Variants in HERC3 observed in about 807,000 individuals in gnomAD.
The protein encoded by HERC3 is HECT and RLD domain containing E3 ubiquitin protein ligase 3, also known as probable E3 ubiquitin-protein ligase HERC3.
HERC3 carries 58 observed loss-of-function variants against 129.9 expected under a neutral mutation model. The ratio of observed to expected loss-of-function variants is 0.45; its 90% CI spans 0.36 to 0.56. The LOEUF (loss-of-function observed/expected upper bound fraction) is 0.56. Ranked by LOEUF, HERC3 falls within the 20% of genes least tolerant of loss-of-function variation. The probability of loss-of-function intolerance (pLI) is 0.00; values close to 1 mark genes in which losing one functional copy is unlikely to be tolerated. For missense variants in HERC3, 835 were observed against 1,244.2 expected (o/e 0.67, Z 4.95); for synonymous variants, 430 against 451.0 (o/e 0.95, Z 0.59).
intron 13 of HERC3, 86 bp from the exon 14 acceptor site, chr4:88,667,806 G>A (rs972320076): frequency 3.8e-5 from 37 of 978,950 alleles, no homozygotes; most frequent in Non-Finnish European, 5.8e-5. Context: ...AGAGTTGAGA[G>A]TCTATCAAAT....
At chr4:88,557,621 T>C in the HERC3 span, among the ~76,000 whole-genome samples, 11 of 152,166 alleles carry the variant, frequency 7.2e-5, no homozygotes, top group Admixed American at 2.6e-4. Flanking sequence ...AGTCTCATTA[T>C]ATAAAGAATA....
At chr4:88,566,346 T>G in the HERC3 span, among the ~76,000 whole-genome samples, 1 of 152,210 alleles carries the variant, frequency 6.6e-6, no homozygotes. Flanking sequence ...TAATACTGAT[T>G]GCAAAAACAA....
chr4:88,549,709 C>T, the HERC3 span, among the ~76,000 whole-genome samples: 61,088 of 144,100 alleles, frequency 0.42, 15,030 homozygotes, highest in African/African-American at 0.73. Context: ...TTTTCTTTTT[C>T]TTTTTTTTCT....
the HERC3 span, among the ~76,000 whole-genome samples, chr4:88,549,324 A>AG: frequency 6.6e-6 from 1 of 151,738 alleles, no homozygotes; most frequent in East Asian, 1.9e-4. Flanking sequence ...TTTTTTTAAA[A>AG]AAAAAAACAG....
chr4:88,638,843 C>T (rs183218388), intron 3 of HERC3, among the ~76,000 whole-genome samples: 5 of 152,126 alleles, frequency 3.3e-5, no homozygotes, highest in African/African-American at 1.2e-4. Context: ...TAGAAAACGC[C>T]ATCATCTCAG....
chr4:88,682,857 C>G (rs1169034044), intron 21 of HERC3, among the ~76,000 whole-genome samples: 2 of 151,970 alleles, frequency 1.3e-5, no homozygotes, highest in Non-Finnish European at 2.9e-5. Flanking sequence ...ATGGCCGGGT[C>G]AAATGGTATT....
chr4:88,697,625 G>A (rs1477453294), intron 23 of HERC3: 1 of 1,609,152 alleles, frequency 6.2e-7, no homozygotes, highest in African/African-American at 1.3e-5. Flanking sequence ...GCGCTGTCAG[G>A]GTCACCAGCC....
At chr4:88,668,639 C>T (rs1320075095) in intron 14 of HERC3, 7 of 154,356 alleles carry the variant, frequency 4.5e-5, no homozygotes, top group Non-Finnish European at 2.9e-5. Flanking sequence ...GGGAGTAGCA[C>T]CTGAAATGTT....
At chr4:88,539,450 A>T in the HERC3 span, among the ~76,000 whole-genome samples, 1 of 152,368 alleles carries the variant, frequency 6.6e-6, no homozygotes, top group African/African-American at 2.4e-5. Flanking sequence ...ACTGCAGCTC[A>T]GCAAGGCCTA....
At chr4:88,686,650 A>G (rs1248576391) in intron 21 of HERC3, 86 bp from the exon 22 acceptor site, 2 of 817,792 alleles carry the variant, frequency 2.4e-6, no homozygotes, top group Admixed American at 2.1e-5. Context: ...TTCCTTGGAA[A>G]TGGTCTGGAC....
chr4:88,583,907 A>T, the HERC3 span: 8 of 152,256 alleles, frequency 5.3e-5, no homozygotes, highest in African/African-American at 1.9e-4. Context: ...GGAGGATGCC[A>T]GAGCAGTCAG....
At chr4:88,671,724 A>G (rs1195106429) in intron 16 of HERC3, among the ~76,000 whole-genome samples, 2 of 151,986 alleles carry the variant, frequency 1.3e-5, no homozygotes, top group Non-Finnish European at 2.9e-5. Flanking sequence ...GGGTTTTGTG[A>G]TGTTTCCCAA....
At chr4:88,545,430 C>CCTTTTTTTTTTTTTTT in the HERC3 span, among the ~76,000 whole-genome samples, 29 of 110,398 alleles carry the variant, frequency 2.6e-4, 2 homozygotes, top group East Asian at 2.7e-3. Flanking sequence ...TTTGAGAATT[C>CCTTTTTTTTTTTTTTT]TTTTTTTTTT....
At chr4:88,640,347 G>A (rs1727941650) in intron 3 of HERC3, among the ~76,000 whole-genome samples, 10 of 152,098 alleles carry the variant, frequency 6.6e-5, no homozygotes. Context: ...ATGATAGACT[G>A]GAAAAAGAAA....
chr4:88,582,746 C>A, the HERC3 span, among the ~76,000 whole-genome samples: 1 of 152,310 alleles, frequency 6.6e-6, no homozygotes, highest in East Asian at 1.9e-4. Context: ...GTTCGCAGTG[C>A]AGTTCTGCCC....
At chr4:88,638,803 C>G (rs1043236108) in intron 3 of HERC3, among the ~76,000 whole-genome samples, 1 of 152,120 alleles carries the variant, frequency 6.6e-6, no homozygotes, top group East Asian at 1.9e-4. Flanking sequence ...GTCGAATTGT[C>G]TCTGTTTGCA....
At chr4:88,663,243 G>T (rs562458803) in intron 11 of HERC3, among the ~76,000 whole-genome samples, 1 of 152,074 alleles carries the variant, frequency 6.6e-6, no homozygotes, top group African/African-American at 2.4e-5. Context: ...TGACCAGGAC[G>T]CTACACTTTG....
chr4:88,660,372 T>C (rs1433082681), intron 10 of HERC3, among the ~76,000 whole-genome samples: 1 of 152,100 alleles, frequency 6.6e-6, no homozygotes, highest in African/African-American at 2.4e-5. Context: ...TGGGTAATTT[T>C]TTTTGTATTT....
At chr4:88,523,903 C>T in the HERC3 span, 1 of 549,462 alleles carries the variant, frequency 1.8e-6, no homozygotes, top group South Asian at 2.5e-5. Flanking sequence ...ATCTATAGTC[C>T]GGAGGACAGC....
Sources: gnomAD v4.1 joint callset for allele counts (sites outside exome capture counted in the v4.1 genomes callset) on GRCh38, gnomAD v4.1.1 for gene constraint, MANE v1.5 for transcripts, NCBI Gene and HGNC (gene_info 2026-07-23, HGNC 2026-07-21) for gene names.